EPHB2: variants seen among roughly 807,000 people sequenced by gnomAD.
EPHB2 encodes the protein EPH receptor B2.
A neutral mutation model predicts 96.4 loss-of-function variants in EPHB2; 18 were observed. That is an observed-to-expected ratio of 0.19 (90% CI 0.13 to 0.28). EPHB2 has a LOEUF of 0.28. Ranked by LOEUF, EPHB2 falls within the 10% of genes least tolerant of loss-of-function variation. The pLI, the probability that EPHB2 is intolerant of heterozygous loss-of-function variation, is 1.00. For missense variants in EPHB2, 989 were observed against 1,355.4 expected (o/e 0.73, Z 4.25); for synonymous variants, 506 against 534.1 (o/e 0.95, Z 0.72).
At chr1:22,789,641 G>A (rs891532695) in intron 3 of EPHB2, among the ~76,000 whole-genome samples, 2 of 152,230 alleles carry the variant, frequency 1.3e-5, no homozygotes, top group Non-Finnish European at 2.9e-5. Context: ...CACATTCCAG[G>A]TGCAGGGAGA....
At chr1:22,801,025 G>A (rs1041312963) in intron 3 of EPHB2, among the ~76,000 whole-genome samples, 7 of 152,270 alleles carry the variant, frequency 4.6e-5, no homozygotes, top group Middle Eastern at 3.4e-3. Context: ...CCTGCTTGTC[G>A]TGCTCAGGTG....
At chr1:22,793,485 C>T (rs1644725083) in intron 3 of EPHB2, among the ~76,000 whole-genome samples, 1 of 151,976 alleles carries the variant, frequency 6.6e-6, no homozygotes. Flanking sequence ...GCAATTAGTC[C>T]AGGAAAAAAA....
intron 5 of EPHB2, among the ~76,000 whole-genome samples, chr1:22,873,722 A>G (rs1428466021): frequency 6.6e-6 from 1 of 152,248 alleles, no homozygotes; most frequent in Admixed American, 6.5e-5. Context: ...CTCATGGACC[A>G]AAATGGCTGC....
chr1:22,772,408 G>A (rs985260721), intron 1 of EPHB2, among the ~76,000 whole-genome samples: 1 of 152,342 alleles, frequency 6.6e-6, no homozygotes, highest in Admixed American at 6.5e-5. Context: ...GAAGGGGTGT[G>A]TGCTATGAGA....
chr1:22,722,278 T>G (rs1357179960), intron 1 of EPHB2, among the ~76,000 whole-genome samples: 4 of 152,178 alleles, frequency 2.6e-5, no homozygotes, highest in African/African-American at 9.7e-5. Context: ...ATTACAGACG[T>G]GAGCCACCAT....
At chr1:22,794,318 C>T (rs969170328) in intron 3 of EPHB2, among the ~76,000 whole-genome samples, 9 of 152,018 alleles carry the variant, frequency 5.9e-5, no homozygotes, top group Non-Finnish European at 1.0e-4. Context: ...TCCTATCAAG[C>T]GATGCAAGGC....
chr1:22,862,777 A>G (rs1463594234), intron 3 of EPHB2, among the ~76,000 whole-genome samples: 4 of 152,174 alleles, frequency 2.6e-5, no homozygotes, highest in African/African-American at 4.8e-5. Context: ...ACCATGACAC[A>G]GCCAAGCTGG....
At chr1:22,808,711 G>A (rs1365164724) in intron 3 of EPHB2, among the ~76,000 whole-genome samples, 4 of 152,150 alleles carry the variant, frequency 2.6e-5, no homozygotes, top group Admixed American at 6.5e-5. Context: ...TTTAATTCCC[G>A]TAACACCCTT....
intron 3 of EPHB2, among the ~76,000 whole-genome samples, chr1:22,816,245 C>T (rs530683750): frequency 1.7e-4 from 26 of 152,242 alleles, no homozygotes; most frequent in Admixed American, 7.2e-4. Context: ...CCCTGCCGGC[C>T]CTCCTAAAAC....
intron 1 of EPHB2, among the ~76,000 whole-genome samples, chr1:22,723,049 G>T (rs1643502196): frequency 6.6e-6 from 1 of 152,248 alleles, no homozygotes; most frequent in South Asian, 2.1e-4. Flanking sequence ...GGTGCAAGCT[G>T]CCTGGCCCCA....
chr1:22,853,728 C>G (rs1331023342), intron 3 of EPHB2, among the ~76,000 whole-genome samples: 3 of 152,246 alleles, frequency 2.0e-5, no homozygotes, highest in African/African-American at 7.2e-5. Context: ...GTGGCTGGAG[C>G]TCAAGGTGTG....
At chr1:22,822,547 T>C (rs1012782616) in intron 3 of EPHB2, among the ~76,000 whole-genome samples, 1 of 152,246 alleles carries the variant, frequency 6.6e-6, no homozygotes, top group Non-Finnish European at 1.5e-5. Flanking sequence ...AAATTCCTTC[T>C]TCCTTGGGAA....
At chr1:22,813,350 G>A (rs1197780988) in intron 3 of EPHB2, among the ~76,000 whole-genome samples, 1 of 152,248 alleles carries the variant, frequency 6.6e-6, no homozygotes, top group Non-Finnish European at 1.5e-5. Flanking sequence ...ACTTGAAGGT[G>A]TAGAGTAGGG....
At chr1:22,861,264 A>G (rs979786504) in intron 3 of EPHB2, among the ~76,000 whole-genome samples, 2 of 152,154 alleles carry the variant, frequency 1.3e-5, no homozygotes, top group Admixed American at 1.3e-4. Context: ...CAGCCTGCAC[A>G]CTAACCACTA....
At chr1:22,831,593 G>A (rs1557700834) in intron 3 of EPHB2, among the ~76,000 whole-genome samples, 1 of 151,964 alleles carries the variant, frequency 6.6e-6, no homozygotes, top group Non-Finnish European at 1.5e-5. Context: ...CTAAGGTCAA[G>A]CAGAGCAGGG....
At chr1:22,719,966 A>C (rs1643410014) in intron 1 of EPHB2, among the ~76,000 whole-genome samples, 1 of 152,104 alleles carries the variant, frequency 6.6e-6, no homozygotes. Flanking sequence ...CCGGGTTGTC[A>C]GTTGGGATCA....
rs796642216 is a variant in EPHB2 at position 22,859,305 on chromosome 1, G to T, written c.812-3732G>T. On this transcript the variant is annotated intron_variant, in intron 3 of 15. Coordinates refer to ENST00000374630, the MANE Select transcript of EPHB2 (RefSeq NM_017449.5). ...GTGTGGGGTGGGCCTGGTGGGGGGGGGGGTATTGTACCTAGGTGAGTGTGA... is the reference window on the plus strand; with the variant it reads ...GTGTGGGGTGGGCCTGGTGGGGGGGTGGGTATTGTACCTAGGTGAGTGTGA... Among the ~76,000 whole-genome samples the T allele has an allele frequency of 3.8e-3, 560 of 149,252 alleles. 10 individuals are homozygous for T. The highest frequency in any genetic ancestry group is 0.013 in the African/African-American group (531 of 39,750).
intron 1 of EPHB2, among the ~76,000 whole-genome samples, chr1:22,763,205 C>T (rs1230597753): frequency 6.6e-6 from 1 of 152,196 alleles, no homozygotes; most frequent in East Asian, 1.9e-4. Context: ...TGGCCTTGGG[C>T]AGGTTGCTTC....
intron 1 of EPHB2, among the ~76,000 whole-genome samples, chr1:22,758,337 T>G (rs909779695): frequency 3.3e-5 from 5 of 151,950 alleles, no homozygotes; most frequent in African/African-American, 1.2e-4. Context: ...GGAAGGGTCA[T>G]GTAGAGGGAC....
Sources: allele counts gnomAD v4.1 joint callset (sites outside exome capture counted in the v4.1 genomes callset), GRCh38; gene constraint gnomAD v4.1.1; transcripts MANE v1.5; gene names NCBI Gene and HGNC (gene_info 2026-07-23, HGNC 2026-07-21).